The following DHRS4L2 variants were observed in gnomAD, a reference collection of about 807,000 sequenced individuals.
DHRS4L2 encodes the protein dehydrogenase/reductase 4 like 2.
In DHRS4L2, 22 loss-of-function variants were observed where a neutral mutation model predicts 23.9. The observed-to-expected ratio is 0.92, with a 90% CI of 0.66 to 1.31. The LOEUF (loss-of-function observed/expected upper bound fraction) is 1.31, where lower values mean the gene tolerates loss of function less well. Ranked by LOEUF, DHRS4L2 falls within the 40% of genes most tolerant of loss-of-function variation. The pLI, the probability that DHRS4L2 is intolerant of heterozygous loss-of-function variation, is 0.00. For synonymous variants in DHRS4L2, 141 were observed against 123.7 expected (o/e 1.14, Z -0.93); for missense variants, 385 against 303.3 (o/e 1.27, Z -2.00).
At chr14:23,992,778 T>C (rs1431096128) in intron 2 of DHRS4L2, among the ~76,000 whole-genome samples, 18 of 149,640 alleles carry the variant, frequency 1.2e-4, no homozygotes, top group Non-Finnish European at 2.4e-4. Context: ...CTCGAAGTCC[T>C]GAACTCAAGC....
intron 1 of DHRS4L2, among the ~76,000 whole-genome samples, chr14:23,989,326 C>G (rs1013002816): frequency 2.0e-5 from 3 of 151,698 alleles, no homozygotes; most frequent in African/African-American, 7.3e-5. Context: ...TCTAGTCCCC[C>G]CAGTGTTCTG....
intron 6 of DHRS4L2, 75 bp from the exon 7 acceptor site, chr14:24,004,262 C>G: frequency 6.8e-7 from 1 of 1,462,982 alleles, no homozygotes; most frequent in Admixed American, 2.6e-5. Context: ...GAGCAAGACT[C>G]CGTCTCTAAA....
rs1396591601 is a variant in DHRS4L2 at position 24,001,518 on chromosome 14, G to A, written c.665+1G>A. Reference sequence around the variant, plus strand: ...TATCAAGACTAGCTTCAGCAGGATGGTGAGGAAGGGGAGCTTTGCATTTGA... The same window carrying A: ...TATCAAGACTAGCTTCAGCAGGATGATGAGGAAGGGGAGCTTTGCATTTGA... On this transcript the variant is annotated splice_donor_variant, in intron 6 of 7. Transcript: ENST00000335125. LOFTEE classifies it high-confidence loss of function. 6.2e-7 allele frequency: 1 copy of A among 1,602,190 alleles called. No individual in the cohort carries two copies. Among genetic ancestry groups the A allele is most frequent in the Non-Finnish European group, 8.5e-7 (1 of 1,177,908 alleles).
At chr14:23,989,723 T>G (rs1566494031) in intron 1 of DHRS4L2, among the ~76,000 whole-genome samples, 1 of 151,768 alleles carries the variant, frequency 6.6e-6, no homozygotes, top group Non-Finnish European at 1.5e-5. Flanking sequence ...AAGGCAATAT[T>G]TACGTTTTTG....
chr14:23,999,365 AAAAAAAAAAC>A (rs1407898514), intron 3 of DHRS4L2, among the ~76,000 whole-genome samples: 6 of 143,628 alleles, frequency 4.2e-5, no homozygotes, highest in African/African-American at 1.0e-4. Context: ...AAAAAAAAAA[AAAAAAAAAAC>A]AATATCTGCA....
chr14:24,004,322 C>G lies in DHRS4L2; in HGVS notation c.666-15C>G. On this transcript the variant is annotated splice_polypyrimidine_tract_variant and intron_variant, in intron 6 of 7. Coordinates refer to ENST00000335125, the MANE Select transcript of DHRS4L2 (RefSeq NM_198083.4). ...AAGAAAAAAAAACATAAAGAGATTT[C>G]CCTTCTTCCTACAGCTCTGGATGGA... is the stretch of plus-strand genomic sequence containing the variant. 6.3e-7 allele frequency: 1 copy of G among 1,588,210 alleles called. No homozygotes were observed. Among genetic ancestry groups the G allele is most frequent in the Non-Finnish European group, 8.5e-7 (1 of 1,174,382 alleles).
intron 1 of DHRS4L2, among the ~76,000 whole-genome samples, chr14:23,989,370 T>C (rs2034218222): frequency 6.6e-6 from 1 of 151,684 alleles, no homozygotes; most frequent in Non-Finnish European, 1.5e-5. Flanking sequence ...ACCTAGCCTC[T>C]GGGAAGACCA....
upstream of DHRS4L2, among the ~76,000 whole-genome samples, chr14:23,984,072 A>AGGG (rs758605420): frequency 6.6e-6 from 1 of 151,766 alleles, no homozygotes; most frequent in Admixed American, 6.6e-5. Context: ...GAAATTAAAA[A>AGGG]GAGTTGGAGC....
chr14:23,992,015 G>A lies in DHRS4L2; in HGVS notation c.306+1656G>A, dbSNP rs533476876. 2.2e-3 allele frequency among the ~76,000 whole-genome samples: 340 copies of A among 151,596 alleles called. 5 individuals are homozygous for A. The highest frequency in any genetic ancestry group is 4.9e-3 in the Admixed American group (74 of 15,248). ...CTCTCAAAGTGCTGGGATTACAGGC[G>A]TGAGCCACTGTGCCCGGCCATAGCT... On this transcript the variant is annotated intron_variant, in intron 2 of 7. Transcript: ENST00000335125.
chr14:24,001,824 ATGAGGGCAGTGGGGAGAGC>A (rs2034495013), intron 6 of DHRS4L2, among the ~76,000 whole-genome samples: 1 of 109,020 alleles, frequency 9.2e-6, no homozygotes, highest in African/African-American at 5.6e-5. Flanking sequence ...AATGAAACAG[ATGAGGGCAGTGGGGAGAGC>A]TGGGAGCTAG....
Position 23,979,358 on chromosome 14 carries a change from C to CT in DHRS4L2, c.-176+9026_-176+9027insT, listed in dbSNP as rs1225630526. On this transcript the variant is annotated intron_variant, in intron 1 of 5. Transcript: ENST00000534993. ...CAATAGCAATGGGAGACGTTAACACCCCAACACCCCACTGTCAGTATTAGA... is the reference window on the plus strand; with the variant it reads ...CAATAGCAATGGGAGACGTTAACACCTCCAACACCCCACTGTCAGTATTAGA... Among the ~76,000 whole-genome samples the CT allele has an allele frequency of 9.4e-4, 110 of 116,712 alleles. 5 individuals carry two copies. Among genetic ancestry groups the CT allele is most frequent in the Non-Finnish European group, 1.4e-3 (83 of 59,022 alleles). The allele number at this position is 116,712 out of a possible 152,430, so 76.6% of individuals were successfully genotyped here. A position where few individuals can be genotyped will look rare whatever the true frequency, so the allele number is the denominator to read the frequency against.
intron 1 of DHRS4L2, among the ~76,000 whole-genome samples, chr14:23,982,496 C>A (rs2034072334): frequency 6.6e-6 from 1 of 151,234 alleles, no homozygotes; most frequent in South Asian, 2.1e-4. Context: ...TACATATAGC[C>A]AAGACAATCC....
chr14:23,972,677 G>T (rs748723843), intron 1 of DHRS4L2, among the ~76,000 whole-genome samples: 1 of 151,958 alleles, frequency 6.6e-6, no homozygotes, highest in Non-Finnish European at 1.5e-5. Flanking sequence ...AGAAACAACA[G>T]TGAGTCCAGG....
chr14:23,985,647 C>G (rs2034126154), upstream of DHRS4L2, among the ~76,000 whole-genome samples: 1 of 151,696 alleles, frequency 6.6e-6, no homozygotes, highest in Non-Finnish European at 1.5e-5. Flanking sequence ...TTGCCTATTA[C>G]AGTTCCCATT....
At chr14:23,985,324 T>C (rs2034120663), upstream of DHRS4L2, among the ~76,000 whole-genome samples, 2 of 151,610 alleles carry the variant, frequency 1.3e-5, no homozygotes, top group Non-Finnish European at 2.9e-5. Context: ...ACTTAACACT[T>C]GCCAGCACTT....
chr14:23,981,664 A>G (rs948595514), intron 1 of DHRS4L2, among the ~76,000 whole-genome samples: 16 of 151,620 alleles, frequency 1.1e-4, no homozygotes, highest in African/African-American at 3.9e-4. Context: ...GAGTTCCCTC[A>G]GCATTTATTA....
chr14:23,981,820 G>A (rs1446162439), intron 1 of DHRS4L2, among the ~76,000 whole-genome samples: 3 of 151,712 alleles, frequency 2.0e-5, no homozygotes, highest in Non-Finnish European at 4.4e-5. Context: ...TGTGCATGTA[G>A]GCCAGATTTA....
At chr14:23,995,783 A>G (rs1326949887) in intron 3 of DHRS4L2, among the ~76,000 whole-genome samples, 1 of 151,786 alleles carries the variant, frequency 6.6e-6, no homozygotes, top group Non-Finnish European at 1.5e-5. Context: ...AGCTTTAATT[A>G]AAATATTTGT....
At position 23,990,308 on chromosome 14, in the gene DHRS4L2, C is replaced by T; in HGVS notation, c.255C>T (p.Gly85=). Reference sequence around the variant, plus strand: ...AGGGGGAGGGGCTGAGCGTGACGGGCACTGTGTGCCATGTGGGGAAGGCGG... The same window carrying T: ...AGGGGGAGGGGCTGAGCGTGACGGGTACTGTGTGCCATGTGGGGAAGGCGG... ...TLQGEGLSVT[G]TVCHVGKAED... is the part of the protein sequence containing the mutation. Residue 85 remains glycine (G), a synonymous_variant, in exon 2 of 8, where the codon GGC becomes GGT. Transcript: ENST00000335125. 6.2e-7 allele frequency: 1 copy of T among 1,612,116 alleles called. No homozygotes were observed. The highest frequency in any genetic ancestry group is 1.1e-5 in the South Asian group (1 of 90,850).
Sources: gnomAD v4.1 joint callset for allele counts (sites outside exome capture counted in the v4.1 genomes callset) on GRCh38, gnomAD v4.1.1 for gene constraint, MANE v1.5 for transcripts, NCBI Gene and HGNC (gene_info 2026-07-23, HGNC 2026-07-21) for gene names.